The following TENM4 variants were observed in gnomAD, a reference collection of about 807,000 sequenced individuals.
TENM4 encodes teneurin transmembrane protein 4, also known as teneurin-4.
A neutral mutation model predicts 243.3 loss-of-function variants in TENM4; 82 were observed. The ratio of observed to expected loss-of-function variants is 0.34; its 90% CI spans 0.28 to 0.40. The LOEUF is 0.40. Among genes scored for constraint, TENM4 ranks in the 10% least tolerant of loss-of-function variants. The pLI, the probability that TENM4 is intolerant of heterozygous loss-of-function variation, is 1.00. For missense variants in TENM4, 3,138 were observed against 3,673.3 expected (o/e 0.85, Z 3.77); for synonymous variants, 1,412 against 1,456.3 (o/e 0.97, Z 0.69).
At chr11:78,671,978 G>A in intron 31 of TENM4, 55 bp downstream of exon 31, 2 of 1,558,708 alleles carry the variant, frequency 1.3e-6, no homozygotes, top group African/African-American at 1.3e-5. Flanking sequence ...GCTTGGCCGT[G>A]AATGATTGGC....
intron 30 of TENM4, among the ~76,000 whole-genome samples, chr11:78,672,973 A>C (rs1159154129): frequency 6.6e-6 from 1 of 151,928 alleles, no homozygotes; most frequent in Non-Finnish European, 1.5e-5. Context: ...GTCAGTACCC[A>C]AGACATATTC....
Position 79,064,847 on chromosome 11 carries a change from G to A in TENM4, c.384C>T (p.Pro128=), listed in dbSNP as rs1390052567. 56 of 1,551,276 alleles carry A rather than the reference G, an allele frequency of 3.6e-5. No homozygotes were observed. Among genetic ancestry groups the A allele is most frequent in the Non-Finnish European group, 2.6e-5 (30 of 1,146,982 alleles). ...GTGTGCTCCGGCCCCACAGACGCAC[G>A]GGGTGCTCAGGGGACAGCACCGTGT... is the stretch of plus-strand genomic sequence containing the variant. The part of the protein sequence containing the change: ...EADTVLSPEH[P]VRLWGRSTRS... The change falls in exon 6 of 34, where the codon CCC becomes CCT. Residue 128 remains proline (P), a synonymous_variant. Coordinates refer to ENST00000278550, the MANE Select transcript of TENM4 (RefSeq NM_001098816.3).
chr11:78,937,819 C>T (rs1048984127), intron 6 of TENM4, among the ~76,000 whole-genome samples: 2 of 152,208 alleles, frequency 1.3e-5, no homozygotes, highest in African/African-American at 4.8e-5. Context: ...ACAACGAATG[C>T]ACTTTTTGGT....
At chr11:78,947,378 C>T (rs1481306447) in intron 6 of TENM4, among the ~76,000 whole-genome samples, 2 of 152,184 alleles carry the variant, frequency 1.3e-5, no homozygotes, top group Non-Finnish European at 2.9e-5. Flanking sequence ...CAGGATGCAG[C>T]AGCTTCTGTG....
rs371305823 is a variant in TENM4, at chr11:78,726,045, A to T, written c.3550+34T>A. The T allele has an allele frequency of 9.3e-4, 1,506 of 1,612,320 alleles. 7 individuals are homozygous for T. The highest frequency in any genetic ancestry group is 8.6e-4 in the Non-Finnish European group (1,013 of 1,178,990). ...GGGATATGAGACAAGGTTCCACCCC[A>T]GCCTGGTTCAAGTAATTCTATTAAT... On this transcript the variant is annotated intron_variant, in intron 23 of 33. Coordinates refer to ENST00000278550, the MANE Select transcript of TENM4 (RefSeq NM_001098816.3).
intron 2 of TENM4, among the ~76,000 whole-genome samples, chr11:79,241,632 G>A (rs1855418982): frequency 6.6e-6 from 1 of 152,140 alleles, no homozygotes; most frequent in Non-Finnish European, 1.5e-5. Flanking sequence ...ACTTAGCATG[G>A]TGCCCACTCA....
At chr11:78,822,848 G>A (rs1462111241) in intron 12 of TENM4, among the ~76,000 whole-genome samples, 1 of 152,200 alleles carries the variant, frequency 6.6e-6, no homozygotes, top group Admixed American at 6.5e-5. Flanking sequence ...AAGTCATCAT[G>A]TTCGTGGCCG....
intron 12 of TENM4, among the ~76,000 whole-genome samples, chr11:78,845,195 G>A (rs1858361395): frequency 6.6e-6 from 1 of 152,110 alleles, no homozygotes; most frequent in Admixed American, 6.5e-5. Context: ...GCTCTTTGAG[G>A]GCAAAGCTTC....
At chr11:79,339,626 C>T (rs978976738) in intron 1 of TENM4, among the ~76,000 whole-genome samples, 1 of 151,962 alleles carries the variant, frequency 6.6e-6, no homozygotes, top group African/African-American at 2.4e-5. Flanking sequence ...CCAGAGAGAC[C>T]GAGTAACCTG....
chr11:79,083,942 G>A (rs1015563563), intron 4 of TENM4, among the ~76,000 whole-genome samples: 2 of 151,942 alleles, frequency 1.3e-5, no homozygotes, highest in Non-Finnish European at 1.5e-5. Context: ...AACAAAGGAA[G>A]GCCTAGTATC....
chr11:78,672,672 C>T (rs1422320899), intron 30 of TENM4, among the ~76,000 whole-genome samples: 1 of 152,192 alleles, frequency 6.6e-6, no homozygotes, highest in Non-Finnish European at 1.5e-5. Context: ...GCAGATCCTT[C>T]TTGACTCCCT....
At chr11:79,061,915 T>C (rs911587697) in intron 6 of TENM4, among the ~76,000 whole-genome samples, 5 of 152,020 alleles carry the variant, frequency 3.3e-5, no homozygotes, top group Non-Finnish European at 5.9e-5. Context: ...TGAGATAATA[T>C]AGCTAAAGCA....
At chr11:79,026,228 G>A (rs765936233) in intron 6 of TENM4, among the ~76,000 whole-genome samples, 6 of 152,198 alleles carry the variant, frequency 3.9e-5, no homozygotes, top group Non-Finnish European at 7.3e-5. Flanking sequence ...GACCCTGGGT[G>A]TGAGGCCAGA....
chr11:78,669,922 G>A lies in TENM4; in HGVS notation c.6423C>T (p.His2141=). The A allele has an allele frequency of 6.2e-7, 1 of 1,613,848 alleles. No homozygotes were observed. Among genetic ancestry groups the A allele is most frequent in the South Asian group, 1.1e-5 (1 of 91,032 alleles). Residue 2141 remains histidine (H), a synonymous_variant, in exon 32 of 34, where the codon CAC becomes CAT. Transcript: ENST00000278550. This position sits in a 1 kb window ranked among gnomAD's most constrained non-coding sequence, Gnocchi z 6.4. ...TGCCATATGCATCAAAATGCTTGGT[G>A]TGGGTCATGACAGCTGTGGTGATGA... ...NQIITTAVMT[H]TKHFDAYGRM... is the part of the protein sequence containing the mutation.
chr11:79,338,861 C>T (rs1272598775), intron 1 of TENM4, among the ~76,000 whole-genome samples: 1 of 152,198 alleles, frequency 6.6e-6, no homozygotes, highest in Admixed American at 6.5e-5. Flanking sequence ...TGCTGCCATC[C>T]AGCTGAGAGT....
chr11:79,304,127 T>C (rs527657915), intron 1 of TENM4, among the ~76,000 whole-genome samples: 1 of 152,252 alleles, frequency 6.6e-6, no homozygotes, highest in South Asian at 2.1e-4. Flanking sequence ...TGTCTCACTG[T>C]ATCAAGGTGG....
At chr11:79,328,483 C>T (rs2135439930) in intron 1 of TENM4, among the ~76,000 whole-genome samples, 1 of 152,272 alleles carries the variant, frequency 6.6e-6, no homozygotes. Context: ...GAAAGCCCCT[C>T]TATCCTCATG....
chr11:78,826,375 C>T (rs976334969), intron 12 of TENM4, among the ~76,000 whole-genome samples: 4 of 152,096 alleles, frequency 2.6e-5, no homozygotes, highest in African/African-American at 7.2e-5. Flanking sequence ...GTGTGAGCCA[C>T]CATGCTCGGC....
chr11:78,722,397 A>G (rs1855406457), intron 24 of TENM4, among the ~76,000 whole-genome samples: 1 of 152,204 alleles, frequency 6.6e-6, no homozygotes, highest in African/African-American at 2.4e-5. Context: ...AGTGGCTTCC[A>G]AGGAGTCTAA....
Sources: allele counts gnomAD v4.1 joint callset (sites outside exome capture counted in the v4.1 genomes callset), GRCh38; gene constraint gnomAD v4.1.1; non-coding constraint Gnocchi (gnomAD v3.1); transcripts MANE v1.5; gene names NCBI Gene and HGNC (gene_info 2026-07-23, HGNC 2026-07-21).